SLC25A26: variants seen among roughly 807,000 people sequenced by gnomAD.
The protein encoded by SLC25A26 is solute carrier family 25 member 26, also known as mitochondrial S-adenosylmethionine carrier protein.
Under a neutral mutation model 37.8 loss-of-function variants are expected in SLC25A26, and 36 were observed. That is an observed-to-expected ratio of 0.95 (90% CI 0.73 to 1.26). The LOEUF is 1.26. Among genes scored for constraint, SLC25A26 ranks in the 50% most tolerant of loss-of-function variants. The probability of loss-of-function intolerance (pLI) is 0.00; values close to 1 mark genes in which losing one functional copy is unlikely to be tolerated. For missense variants in SLC25A26, 390 were observed against 331.1 expected (o/e 1.18, Z -1.38); for synonymous variants, 129 against 122.5 (o/e 1.05, Z -0.35).
chr3:66,367,705 CACAGAGAG>C (rs2076854750), intron 7 of SLC25A26, among the ~76,000 whole-genome samples: 3 of 146,562 alleles, frequency 2.0e-5, no homozygotes, highest in Admixed American at 6.7e-5. Context: ...GACAGACAGA[CACAGAGAG>C]AGAGAGAGAG....
intron 7 of SLC25A26, among the ~76,000 whole-genome samples, chr3:66,363,320 A>G (rs1012351757): frequency 5.3e-5 from 8 of 152,188 alleles, no homozygotes; most frequent in Non-Finnish European, 1.0e-4. Flanking sequence ...GCAGAAGGCC[A>G]TGATTCACGG....
intron 1 of SLC25A26, among the ~76,000 whole-genome samples, chr3:66,174,863 T>A (rs2070554858): frequency 6.6e-6 from 1 of 150,492 alleles, no homozygotes; most frequent in South Asian, 2.1e-4. Flanking sequence ...ATGCAGAGGA[T>A]GCCACTTGAA....
chr3:66,184,585 C>CTGCTCACCTTGAGTTTACTAGGTATTACA (rs2070780668), intron 1 of SLC25A26, among the ~76,000 whole-genome samples: 1 of 128,136 alleles, frequency 7.8e-6, no homozygotes, highest in Non-Finnish European at 1.7e-5. Flanking sequence ...TCACCTGACT[C>CTGCTCACCTTGAGTTTACTAGGTATTACA]TGCTCACCTT....
At chr3:66,309,356 A>T (rs1162354579) in intron 5 of SLC25A26, among the ~76,000 whole-genome samples, 1 of 151,972 alleles carries the variant, frequency 6.6e-6, no homozygotes, top group African/African-American at 2.4e-5. Flanking sequence ...ATTAGTGGTG[A>T]TATCCACTTT....
At chr3:66,146,023 T>G (rs887083156) in intron 1 of SLC25A26, among the ~76,000 whole-genome samples, 2 of 152,202 alleles carry the variant, frequency 1.3e-5, no homozygotes, top group Non-Finnish European at 2.9e-5. Flanking sequence ...ACATATTTTA[T>G]TTTTGAGAAT....
chr3:66,299,634 A>G, intron 5 of SLC25A26, among the ~76,000 whole-genome samples: 1 of 152,186 alleles, frequency 6.6e-6, no homozygotes, highest in Non-Finnish European at 1.5e-5. Flanking sequence ...GCATGAAAAT[A>G]TAATGTGATC....
chr3:66,313,072 A>C (rs767516354), intron 5 of SLC25A26, among the ~76,000 whole-genome samples: 14 of 152,282 alleles, frequency 9.2e-5, no homozygotes, highest in Middle Eastern at 3.4e-3. Context: ...TCCACTCTGT[A>C]GGTTGCCTGT....
intron 5 of SLC25A26, among the ~76,000 whole-genome samples, chr3:66,320,105 A>G (rs1350422929): frequency 6.6e-6 from 1 of 152,140 alleles, no homozygotes; most frequent in Non-Finnish European, 1.5e-5. Context: ...GGTGGTATTT[A>G]TTTAAAAATA....
intron 5 of SLC25A26, among the ~76,000 whole-genome samples, chr3:66,303,183 T>C (rs1314908549): frequency 6.6e-6 from 1 of 152,242 alleles, no homozygotes; most frequent in Non-Finnish European, 1.5e-5. Context: ...CTTTGAAATA[T>C]TGGCTTTGTA....
intron 5 of SLC25A26, among the ~76,000 whole-genome samples, chr3:66,274,791 A>C (rs2107386215): frequency 6.6e-6 from 1 of 152,206 alleles, no homozygotes; most frequent in East Asian, 1.9e-4. Context: ...GAACACTTTT[A>C]CACTGTTGGT....
chr3:66,217,178 A>T (rs2071374529), upstream of SLC25A26, among the ~76,000 whole-genome samples: 1 of 152,180 alleles, frequency 6.6e-6, no homozygotes, highest in Non-Finnish European at 1.5e-5. Flanking sequence ...GAGGAAAGGA[A>T]TTTTTTTCTT....
chr3:66,182,415 A>G (rs543303398), intron 1 of SLC25A26, among the ~76,000 whole-genome samples: 12 of 152,004 alleles, frequency 7.9e-5, no homozygotes, highest in African/African-American at 1.7e-4. Context: ...GCAATTCCCA[A>G]TGAAACGGGA....
At chr3:66,321,214 G>A (rs2075684848) in intron 5 of SLC25A26, among the ~76,000 whole-genome samples, 1 of 152,242 alleles carries the variant, frequency 6.6e-6, no homozygotes, top group African/African-American at 2.4e-5. Context: ...TAAATCGGAA[G>A]TCTGGTGCTA....
Position 66,307,705 on chromosome 3 carries a change from GT to G in SLC25A26, c.454-38655del, listed in dbSNP as rs533094397. 4.6e-5 allele frequency among the ~76,000 whole-genome samples: 7 copies of G among 152,308 alleles called. No individual in the cohort carries two copies. The South Asian group carries it at 1.2e-3, about 27-fold the overall frequency. ...GGTATAAGGAAGGGGTCCAGTTTGAGTTTTCTGCATATGGCTAGCCAGTTTT... is the reference window on the plus strand; with the variant it reads ...GGTATAAGGAAGGGGTCCAGTTTGAGTTTCTGCATATGGCTAGCCAGTTTT... On this transcript the variant is annotated intron_variant, in intron 5 of 9. Transcript: ENST00000354883.
At chr3:66,211,470 T>C (rs1360687138) in intron 1 of SLC25A26, among the ~76,000 whole-genome samples, 1 of 152,214 alleles carries the variant, frequency 6.6e-6, no homozygotes, top group Non-Finnish European at 1.5e-5. Context: ...AACTTTTCCG[T>C]ACTGGGAAAT....
intron 1 of SLC25A26, among the ~76,000 whole-genome samples, chr3:66,190,644 G>C (rs1001388132): frequency 6.6e-6 from 1 of 152,024 alleles, no homozygotes; most frequent in African/African-American, 2.4e-5. Flanking sequence ...GGCCAGGCTG[G>C]TCTCAAACTC....
At chr3:66,318,374 A>G (rs376855109) in intron 5 of SLC25A26, among the ~76,000 whole-genome samples, 1 of 152,238 alleles carries the variant, frequency 6.6e-6, no homozygotes, top group African/African-American at 2.4e-5. Flanking sequence ...GCTTTCAGGG[A>G]GGGGTAGCAC....
chr3:66,309,873 A>G (rs2075328686), intron 5 of SLC25A26, among the ~76,000 whole-genome samples: 1 of 150,414 alleles, frequency 6.6e-6, no homozygotes, highest in South Asian at 2.1e-4. Flanking sequence ...ACTGTTTGTT[A>G]TGATTTCCAT....
chr3:66,219,155 T>A (rs1443714856), upstream of SLC25A26, among the ~76,000 whole-genome samples: 2 of 152,296 alleles, frequency 1.3e-5, no homozygotes, highest in African/African-American at 4.8e-5. Context: ...GTGGGAAGAC[T>A]GTGAGGGAAA....
Sources: allele counts gnomAD v4.1 joint callset (sites outside exome capture counted in the v4.1 genomes callset), GRCh38; gene constraint gnomAD v4.1.1; transcripts MANE v1.5; gene names NCBI Gene and HGNC (gene_info 2026-07-23, HGNC 2026-07-21).